KLHL1: variants seen among roughly 807,000 people sequenced by gnomAD.
The protein encoded by KLHL1 is kelch like family member 1.
KLHL1 carries 47 observed loss-of-function variants against 77.7 expected under a neutral mutation model. That is an observed-to-expected ratio of 0.60 (90% confidence interval 0.48 to 0.77). The LOEUF is 0.77. KLHL1 is among the 30% of genes least tolerant of loss of function. The pLI is 0.00. For missense variants in KLHL1, 925 were observed against 910.8 expected (o/e 1.02, Z -0.20); for synonymous variants, 360 against 325.2 (o/e 1.11, Z -1.15).
intron 7 of KLHL1, among the ~76,000 whole-genome samples, chr13:69,780,747 T>TATATATATACATATATATATATACAC (rs1555267699): frequency 1.0e-5 from 1 of 95,672 alleles, no homozygotes; most frequent in African/African-American, 4.4e-5. Context: ...TATATATACA[T>TATATATATACATATATATATATACAC]ATATATATAT....
intron 4 of KLHL1, among the ~76,000 whole-genome samples, chr13:69,915,341 T>G (rs1882390256): frequency 6.6e-6 from 1 of 152,144 alleles, no homozygotes; most frequent in Non-Finnish European, 1.5e-5. Flanking sequence ...GACTTCAAAC[T>G]ATACTACAAG....
At chr13:69,935,000 A>C (rs955924228) in intron 4 of KLHL1, among the ~76,000 whole-genome samples, 44 of 145,212 alleles carry the variant, frequency 3.0e-4, no homozygotes, top group Non-Finnish European at 5.7e-4. Flanking sequence ...GTATATATAT[A>C]CATATTATCA....
intron 8 of KLHL1, among the ~76,000 whole-genome samples, chr13:69,720,029 C>T (rs1872973094): frequency 6.6e-6 from 1 of 151,976 alleles, no homozygotes; most frequent in Non-Finnish European, 1.5e-5. Flanking sequence ...GTGTTCCATC[C>T]TCACAGTTTA....
At chr13:69,981,458 A>C (rs1004375804) in intron 1 of KLHL1, among the ~76,000 whole-genome samples, 1 of 152,012 alleles carries the variant, frequency 6.6e-6, no homozygotes, top group African/African-American at 2.4e-5. Context: ...TTGTAGTATC[A>C]GATAAAGAAA....
At chr13:69,720,111 T>C (rs1239331554) in intron 8 of KLHL1, among the ~76,000 whole-genome samples, 1 of 152,052 alleles carries the variant, frequency 6.6e-6, no homozygotes, top group Non-Finnish European at 1.5e-5. Context: ...GCCTATACTA[T>C]AGCTAAAAAC....
intron 6 of KLHL1, among the ~76,000 whole-genome samples, chr13:69,806,037 G>A (rs1410179438): frequency 6.6e-6 from 1 of 152,048 alleles, no homozygotes; most frequent in Non-Finnish European, 1.5e-5. Flanking sequence ...CTACATTAAT[G>A]AATCTGAAAG....
At chr13:70,091,672 T>A (rs534417024) in intron 1 of KLHL1, among the ~76,000 whole-genome samples, 4 of 152,272 alleles carry the variant, frequency 2.6e-5, no homozygotes, top group African/African-American at 7.2e-5. Context: ...CAATTTTACA[T>A]GTTAGAACCT....
chr13:69,852,246 A>G (rs1285563966), intron 5 of KLHL1, among the ~76,000 whole-genome samples: 1 of 151,918 alleles, frequency 6.6e-6, no homozygotes, highest in East Asian at 1.9e-4. Context: ...CTCCATCCGG[A>G]ATAGGTAATG....
Position 69,771,135 on chromosome 13 carries a change from C to G in KLHL1, c.1639+25603G>C, listed in dbSNP as rs142593487. 3.9e-5 allele frequency among the ~76,000 whole-genome samples: 6 copies of G among 152,198 alleles called. No homozygotes were observed. The East Asian group carries it at 1.2e-3, about 29-fold the overall frequency. On this transcript the variant is annotated intron_variant, in intron 7 of 10. Coordinates refer to ENST00000377844, the MANE Select transcript of KLHL1 (RefSeq NM_020866.3). ...TTCTCTGCCTGATAAGTCTTCAAAT[C>G]AAGACTTTTCCAACTAATCACTGCT...
chr13:69,993,494 G>C (rs553416477), intron 1 of KLHL1, among the ~76,000 whole-genome samples: 1 of 152,008 alleles, frequency 6.6e-6, no homozygotes, highest in African/African-American at 2.4e-5. Flanking sequence ...TTTGAACAAC[G>C]AAGAATGAAA....
Position 70,028,647 on chromosome 13 carries a change from A to G in KLHL1, c.498-52845T>C, listed in dbSNP as rs146108154. 2.2e-3 allele frequency among the ~76,000 whole-genome samples: 335 copies of G among 152,246 alleles called. 5 individuals are homozygous for G. The highest frequency in any genetic ancestry group is 6.2e-3 in the East Asian group (32 of 5,168). On this transcript the variant is annotated intron_variant, in intron 1 of 10. Coordinates refer to ENST00000377844, the MANE Select transcript of KLHL1 (RefSeq NM_020866.3). ...AGAAATCAAGAGATATTAATGAGGG[A>G]ACAATTTTTCAGGGAGCATTAGTGG...
At chr13:70,013,726 A>T (rs1289547852) in intron 1 of KLHL1, among the ~76,000 whole-genome samples, 1 of 152,146 alleles carries the variant, frequency 6.6e-6, no homozygotes, top group Admixed American at 6.5e-5. Flanking sequence ...AATTTCTAGG[A>T]TGTATTATTT....
intron 6 of KLHL1, among the ~76,000 whole-genome samples, chr13:69,825,983 C>T (rs1398212980): frequency 7.3e-5 from 2 of 27,516 alleles, no homozygotes; most frequent in Admixed American, 9.4e-4. Context: ...GAAATACTTA[C>T]TTACAGAAAA....
chr13:69,990,096 T>C (rs796672975), intron 1 of KLHL1, among the ~76,000 whole-genome samples: 15 of 152,002 alleles, frequency 9.9e-5, no homozygotes, highest in African/African-American at 3.4e-4. Flanking sequence ...AAGCAAAGGA[T>C]AAATAAGATC....
At chr13:70,023,662 G>C (rs1384401941) in intron 1 of KLHL1, among the ~76,000 whole-genome samples, 4 of 151,440 alleles carry the variant, frequency 2.6e-5, no homozygotes, top group Admixed American at 2.0e-4. Context: ...TTCTTGTTTT[G>C]TCCCTGGTTG....
chr13:70,037,725 A>G (rs1489952327), intron 1 of KLHL1, among the ~76,000 whole-genome samples: 1 of 152,076 alleles, frequency 6.6e-6, no homozygotes, highest in Non-Finnish European at 1.5e-5. Flanking sequence ...AAGTAGATTC[A>G]TAACTATTTC....
intron 8 of KLHL1, among the ~76,000 whole-genome samples, chr13:69,720,144 T>C (rs1159556151): frequency 1.3e-5 from 2 of 152,076 alleles, no homozygotes; most frequent in African/African-American, 4.8e-5. Context: ...GAAAAAAGAA[T>C]GCAACAATGT....
chr13:69,700,643 G>T lies in KLHL1; in HGVS notation c.*1059C>A, dbSNP rs1330440761. On this transcript the variant is annotated 3_prime_UTR_variant, in exon 11 of 11. Transcript: ENST00000377844. ...TTAATTGTAATTAAAATTTACATGG[G>T]CCTATTTATTAAGGACATTGTGTAA... The T allele has an allele frequency of 3.9e-5, 6 of 152,144 alleles. No individual in the cohort carries two copies. The highest frequency in any genetic ancestry group is 8.8e-5 in the Non-Finnish European group (6 of 67,844). 9.4% of individuals were successfully genotyped at this position (152,144 alleles called of 1,614,324 possible).
chr13:70,017,445 G>A (rs1380527481), intron 1 of KLHL1, among the ~76,000 whole-genome samples: 3 of 152,192 alleles, frequency 2.0e-5, no homozygotes, highest in African/African-American at 7.2e-5. Context: ...GCCAAAACTT[G>A]TGCTGGTACC....
Sources: gnomAD v4.1 joint callset for allele counts (sites outside exome capture counted in the v4.1 genomes callset) on GRCh38, gnomAD v4.1.1 for gene constraint, MANE v1.5 for transcripts, NCBI Gene and HGNC (gene_info 2026-07-23, HGNC 2026-07-21) for gene names.